INPP5A: variants seen among roughly 807,000 people sequenced by gnomAD.
INPP5A encodes inositol polyphosphate-5-phosphatase A, also known as 43 kDa inositol polyphosphate 5-phophatase.
In INPP5A, 14 loss-of-function variants were observed where a neutral mutation model predicts 65.2. That is an observed-to-expected ratio of 0.21 (90% CI 0.14 to 0.34). INPP5A has a LOEUF of 0.34. INPP5A is among the 10% of genes least tolerant of loss of function. INPP5A has a pLI of 1.00. For missense variants in INPP5A, 431 were observed against 545.6 expected, an observed-to-expected ratio of 0.79 and a Z score of 2.09; for synonymous variants, 207 against 208.3, an observed-to-expected ratio of 0.99 and a Z score of 0.05.
At chr10:132,708,660 C>G in intron 7 of INPP5A, 3 of 500,418 alleles carry the variant, frequency 6.0e-6, no homozygotes, top group South Asian at 5.6e-5. Context: ...GCCCGCTGCA[C>G]AGAGAAGTCA....
At chr10:132,655,091 C>G (rs2072636123) in intron 4 of INPP5A, among the ~76,000 whole-genome samples, 1 of 152,236 alleles carries the variant, frequency 6.6e-6, no homozygotes, top group Non-Finnish European at 1.5e-5. Flanking sequence ...GGGCAGAAGG[C>G]CCCAGGAGGT....
intron 13 of INPP5A, among the ~76,000 whole-genome samples, chr10:132,780,100 A>G (rs1847134974): frequency 6.6e-6 from 1 of 152,238 alleles, no homozygotes; most frequent in Non-Finnish European, 1.5e-5. Context: ...TCTTTCTGGC[A>G]GGCGCCCATG....
At chr10:132,699,602 C>T (rs780490791) in intron 6 of INPP5A, among the ~76,000 whole-genome samples, 246 of 152,184 alleles carry the variant, frequency 1.6e-3, no homozygotes, top group Non-Finnish European at 2.9e-3. Context: ...TAGGAGAGCC[C>T]ATAGGGAGCC....
intron 1 of INPP5A, among the ~76,000 whole-genome samples, chr10:132,593,947 G>C (rs929883342): frequency 1.8e-4 from 27 of 152,188 alleles, no homozygotes; most frequent in African/African-American, 6.5e-4. Context: ...CTGTTGGTGT[G>C]ATCAGTTGTA....
rs536528764 is a variant in INPP5A at position 132,720,290 on chromosome 10, C to T, written c.648-6531C>T. On this transcript the variant is annotated intron_variant, in intron 8 of 15. Transcript: ENST00000368594. ...CTGGGTTCTGTCTGGGTGCCTTAGA[C>T]GGCTGTCTTGCGGGTTCTGTGGTGC... is the stretch of plus-strand genomic sequence containing the variant. Among the ~76,000 whole-genome samples the T allele has an allele frequency of 7.5e-5, 11 of 146,422 alleles. No homozygotes were observed. In the South Asian group the frequency reaches 8.9e-4, roughly 12 times the overall value.
intron 9 of INPP5A, among the ~76,000 whole-genome samples, chr10:132,733,526 A>C (rs886284224): frequency 1.2e-4 from 19 of 152,226 alleles, no homozygotes; most frequent in African/African-American, 4.6e-4. Flanking sequence ...GGAAAATCAA[A>C]ATCTGCTAGT....
intron 1 of INPP5A, among the ~76,000 whole-genome samples, chr10:132,581,616 A>G (rs1467126784): frequency 6.6e-6 from 1 of 151,908 alleles, no homozygotes. Flanking sequence ...TGTAGGTTTT[A>G]TTGGCATCTC....
intron 2 of INPP5A, 125 bp from the exon 3 acceptor site, chr10:132,645,743 C>A: frequency 1.5e-6 from 1 of 656,708 alleles, no homozygotes; most frequent in Non-Finnish European, 2.7e-6. Flanking sequence ...TGGTCGCAGA[C>A]ATGGGGCCCC....
intron 3 of INPP5A, among the ~76,000 whole-genome samples, chr10:132,649,180 C>T (rs748319158): frequency 3.9e-5 from 6 of 152,174 alleles, no homozygotes; most frequent in Admixed American, 1.3e-4. Flanking sequence ...GCAGTCAGTT[C>T]GTTTTATTTC....
intron 2 of INPP5A, among the ~76,000 whole-genome samples, chr10:132,610,682 T>G (rs112257937): frequency 1.4e-4 from 21 of 152,298 alleles, no homozygotes; most frequent in African/African-American, 4.8e-4. Context: ...GGCCCAGCCA[T>G]CCACATCCCA....
intron 2 of INPP5A, among the ~76,000 whole-genome samples, chr10:132,612,636 G>T (rs1024244310): frequency 6.6e-6 from 1 of 152,134 alleles, no homozygotes; most frequent in Non-Finnish European, 1.5e-5. Flanking sequence ...TGCTGATCTG[G>T]GACAGTGGCG....
At chr10:132,740,003 C>A (rs999596447) in intron 9 of INPP5A, among the ~76,000 whole-genome samples, 2 of 152,316 alleles carry the variant, frequency 1.3e-5, no homozygotes, top group Non-Finnish European at 2.9e-5. Context: ...CAGGACGAAG[C>A]AGGTTTTAAA....
chr10:132,640,725 C>T (rs1042985158), intron 2 of INPP5A, among the ~76,000 whole-genome samples: 3 of 152,230 alleles, frequency 2.0e-5, no homozygotes, highest in African/African-American at 7.2e-5. Flanking sequence ...CTGATATGCC[C>T]TTGTAGTGCC....
chr10:132,651,675 G>A lies in INPP5A; in HGVS notation c.306+1170G>A, dbSNP rs1379091817. Among the ~76,000 whole-genome samples the A allele has an allele frequency of 6.6e-6, 1 of 152,180 alleles. No individual in the cohort carries two copies. The highest frequency in any genetic ancestry group is 1.9e-4 in the East Asian group (1 of 5,190). ...GGCCCCCGTAGGCTGCAGTGCTGAG[G>A]GTCTCGCTCTCCAGTGCCCCCCTGC... On this transcript the variant is annotated intron_variant, in intron 4 of 15. Transcript: ENST00000368594. The surrounding 1 kb of genome is among the most constrained non-coding windows in gnomAD (Gnocchi z 5.0).
rs2071021220 is a variant in INPP5A, at chr10:132,549,297, C to T, written c.75+11126C>T. On this transcript the variant is annotated intron_variant, in intron 1 of 15. Transcript: ENST00000368594. This position sits in a 1 kb window ranked among gnomAD's most constrained non-coding sequence, Gnocchi z 4.9. The stretch of plus-strand genomic sequence containing the variant: ...CTGTCTTTCCGGGAGCTGCTCAATT[C>T]TTCCCATAGTTGCTGCCCCATTCGT... 6.6e-6 allele frequency among the ~76,000 whole-genome samples: 1 copy of T among 152,200 alleles called. No homozygotes were observed. Among genetic ancestry groups the T allele is most frequent in the Admixed American group, 6.5e-5 (1 of 15,282 alleles).
intron 8 of INPP5A, among the ~76,000 whole-genome samples, chr10:132,721,347 G>T (rs1381266207): frequency 1.2e-4 from 17 of 147,732 alleles, no homozygotes; most frequent in Middle Eastern, 7.8e-3. Context: ...GTGGTACCTG[G>T]ATTCTTTCTG....
chr10:132,699,101 T>C (rs1845393809), intron 6 of INPP5A, among the ~76,000 whole-genome samples: 2 of 152,184 alleles, frequency 1.3e-5, no homozygotes. Flanking sequence ...GCAAGAAAGC[T>C]CCATGGTCTT....
intron 4 of INPP5A, among the ~76,000 whole-genome samples, chr10:132,669,854 C>G (rs2072859810): frequency 6.6e-6 from 1 of 152,000 alleles, no homozygotes. Flanking sequence ...CTTGCTGAGC[C>G]CCCAGGGAGC....
chr10:132,707,008 G>A lies in INPP5A; in HGVS notation c.475-1305G>A, dbSNP rs914048060. On this transcript the variant is annotated intron_variant, in intron 6 of 15. Coordinates refer to ENST00000368594, the MANE Select transcript of INPP5A (RefSeq NM_005539.5). This position sits in a 1 kb window ranked among gnomAD's most constrained non-coding sequence, Gnocchi z 5.5. ...GCATACTGGAGGAGCCAAAGGGGAC[G>A]GTGGCCAGTGGCAAGGTGGGGTCAA... 2.0e-5 allele frequency among the ~76,000 whole-genome samples: 3 copies of A among 152,210 alleles called. No homozygotes were observed. The highest frequency in any genetic ancestry group is 2.1e-4 in the South Asian group (1 of 4,826).
Sources: allele counts gnomAD v4.1 joint callset (sites outside exome capture counted in the v4.1 genomes callset), GRCh38; gene constraint gnomAD v4.1.1; non-coding constraint Gnocchi (gnomAD v3.1); transcripts MANE v1.5; gene names NCBI Gene and HGNC (gene_info 2026-07-23, HGNC 2026-07-21).